The following SLC9A9 variants were observed in gnomAD, a reference collection of about 807,000 sequenced individuals.
SLC9A9 encodes solute carrier family 9 member A9, also known as sodium/hydrogen exchanger 9.
Under a neutral mutation model 77.8 loss-of-function variants are expected in SLC9A9, and 62 were observed. The observed-to-expected ratio is 0.80, with a 90% confidence interval of 0.65 to 0.98. The LOEUF (loss-of-function observed/expected upper bound fraction) is 0.98. SLC9A9 is among the 50% of genes least tolerant of loss of function. SLC9A9 has a pLI of 0.00. For missense variants in SLC9A9, 775 were observed against 774.9 expected (o/e 1.00, Z 0.00); for synonymous variants, 320 against 283.5 (o/e 1.13, Z -1.29).
At position 143,727,966 on chromosome 3, in the gene SLC9A9, T is replaced by C. The variant is rs563912237; in HGVS notation, c.534-34659A>G. Among the ~76,000 whole-genome samples the C allele has an allele frequency of 2.6e-5, 4 of 152,380 alleles. No homozygotes were observed. The East Asian group carries it at 7.7e-4, about 29-fold the overall frequency. On this transcript the variant is annotated intron_variant, in intron 4 of 15. Transcript: ENST00000316549. Reference sequence around the variant, plus strand: ...CCCCATGCCTATTAAGTCACAGTTATGGCTAGGCTTCCCCTCGTTGCCTGC... The same window carrying C: ...CCCCATGCCTATTAAGTCACAGTTACGGCTAGGCTTCCCCTCGTTGCCTGC...
intron 4 of SLC9A9, among the ~76,000 whole-genome samples, chr3:143,704,995 A>ATATCTATCTATCTATCATCTATC (rs1553782451): frequency 6.3e-4 from 73 of 116,036 alleles, no homozygotes; most frequent in Admixed American, 1.6e-3. Context: ...TCCATCTCAA[A>ATATCTATCTATCTATCATCTATC]TATCTATCTA....
At chr3:143,473,750 T>A (rs1337693298) in intron 11 of SLC9A9, among the ~76,000 whole-genome samples, 1 of 152,226 alleles carries the variant, frequency 6.6e-6, no homozygotes, top group Non-Finnish European at 1.5e-5. Flanking sequence ...TGGAGTTATA[T>A]CTCCTTACAT....
intron 13 of SLC9A9, chr3:143,381,842 A>G (rs1326158265): frequency 5.2e-6 from 3 of 575,484 alleles, no homozygotes; most frequent in Non-Finnish European, 9.3e-6. Context: ...GCTGCCATAG[A>G]GAGGCTTGCA....
chr3:143,827,380 A>G (rs1211054459), intron 2 of SLC9A9, among the ~76,000 whole-genome samples: 1 of 152,218 alleles, frequency 6.6e-6, no homozygotes, highest in Non-Finnish European at 1.5e-5. Context: ...CATATAGAAG[A>G]ATACTGTTTT....
intron 14 of SLC9A9, among the ~76,000 whole-genome samples, chr3:143,315,621 T>C (rs1435980130): frequency 6.6e-6 from 1 of 152,254 alleles, no homozygotes; most frequent in Non-Finnish European, 1.5e-5. Context: ...GTCAAGATCA[T>C]GGCTCAGGAA....
chr3:143,379,246 G>C (rs1033619207), intron 13 of SLC9A9, among the ~76,000 whole-genome samples: 1 of 152,092 alleles, frequency 6.6e-6, no homozygotes, highest in African/African-American at 2.4e-5. Context: ...TAAGAATTGG[G>C]GTTATGTTAC....
At chr3:143,317,106 C>T (rs1576420193) in intron 14 of SLC9A9, among the ~76,000 whole-genome samples, 1 of 152,162 alleles carries the variant, frequency 6.6e-6, no homozygotes, top group South Asian at 2.1e-4. Context: ...TCACAGACCT[C>T]CTCCAAGAGA....
chr3:143,404,190 T>G (rs1051236574), intron 12 of SLC9A9, among the ~76,000 whole-genome samples: 2 of 145,378 alleles, frequency 1.4e-5, no homozygotes, highest in African/African-American at 5.1e-5. Context: ...TTTTTTTTTT[T>G]GGAGACAGAG....
At chr3:143,548,748 A>C (rs768108302) in intron 9 of SLC9A9, among the ~76,000 whole-genome samples, 3 of 152,236 alleles carry the variant, frequency 2.0e-5, no homozygotes, top group Non-Finnish European at 2.9e-5. Context: ...AAGGGTCATT[A>C]TCATGGACAA....
chr3:143,382,690 A>G (rs937729071), intron 12 of SLC9A9, among the ~76,000 whole-genome samples: 8 of 152,200 alleles, frequency 5.3e-5, no homozygotes, highest in East Asian at 3.9e-4. Flanking sequence ...GATAAGTTAC[A>G]AAAAAAATTA....
chr3:143,392,213 T>A (rs1430642487), intron 12 of SLC9A9, among the ~76,000 whole-genome samples: 2 of 152,174 alleles, frequency 1.3e-5, no homozygotes, highest in African/African-American at 4.8e-5. Flanking sequence ...AAGGTCGGGT[T>A]ACCCACAAAG....
chr3:143,506,423 C>G (rs1029146454), intron 9 of SLC9A9, among the ~76,000 whole-genome samples: 2 of 152,180 alleles, frequency 1.3e-5, no homozygotes, highest in African/African-American at 4.8e-5. Context: ...TTGGCTATTA[C>G]TTTCAACCAC....
intron 14 of SLC9A9, among the ~76,000 whole-genome samples, chr3:143,301,226 A>G (rs1263758332): frequency 5.3e-5 from 8 of 152,238 alleles, no homozygotes; most frequent in Non-Finnish European, 1.2e-4. Context: ...TTTGCTTACT[A>G]AATTTTGACA....
intron 5 of SLC9A9, among the ~76,000 whole-genome samples, chr3:143,668,529 T>G (rs952214345): frequency 6.6e-6 from 1 of 152,044 alleles, no homozygotes; most frequent in African/African-American, 2.4e-5. Context: ...AAAAACCACC[T>G]CCCAATAAAT....
At chr3:143,838,548 G>A (rs2009630589) in intron 1 of SLC9A9, among the ~76,000 whole-genome samples, 1 of 152,232 alleles carries the variant, frequency 6.6e-6, no homozygotes, top group South Asian at 2.1e-4. Flanking sequence ...ACAGAAAAGA[G>A]AATTGAGGGA....
intron 6 of SLC9A9, among the ~76,000 whole-genome samples, chr3:143,594,592 G>A (rs2037721369): frequency 6.6e-6 from 1 of 152,152 alleles, no homozygotes; most frequent in African/African-American, 2.4e-5. Context: ...CCAGAGAACT[G>A]TATGTTGGGA....
intron 6 of SLC9A9, among the ~76,000 whole-genome samples, chr3:143,579,740 G>A (rs1227184227): frequency 6.6e-6 from 1 of 152,124 alleles, no homozygotes; most frequent in Non-Finnish European, 1.5e-5. Flanking sequence ...TAGACACATT[G>A]ACTGAGATTA....
intron 12 of SLC9A9, 30 bp from the exon 13 acceptor site, chr3:143,382,144 C>T (rs757198075): frequency 1.9e-6 from 3 of 1,613,358 alleles, no homozygotes; most frequent in Admixed American, 1.7e-5. Flanking sequence ...ACTGGTCAAT[C>T]CCCTGCTGCA....
chr3:143,828,979 A>G (rs1029066216), intron 2 of SLC9A9, among the ~76,000 whole-genome samples: 2 of 152,176 alleles, frequency 1.3e-5, no homozygotes, highest in African/African-American at 4.8e-5. Flanking sequence ...CAGTCAAATC[A>G]CAAACCCAGA....
Sources: gnomAD v4.1 joint callset for allele counts (sites outside exome capture counted in the v4.1 genomes callset) on GRCh38, gnomAD v4.1.1 for gene constraint, MANE v1.5 for transcripts, NCBI Gene and HGNC (gene_info 2026-07-23, HGNC 2026-07-21) for gene names.